Variants in WAC observed in about 807,000 individuals in gnomAD.
WAC encodes the protein WW domain containing adaptor with coiled-coil, also known as WW domain-containing adapter protein with coiled-coil.
In WAC, 11 loss-of-function variants were observed where a neutral mutation model predicts 79.6. The ratio of observed to expected loss-of-function variants is 0.14; its 90% CI spans 0.09 to 0.23. The LOEUF (loss-of-function observed/expected upper bound fraction) is 0.23. WAC is among the 10% of genes least tolerant of loss of function. The pLI is 1.00. For missense variants in WAC, 728 were observed against 773.5 expected, an observed-to-expected ratio of 0.94 and a Z score of 0.70; for synonymous variants, 304 against 276.9, an observed-to-expected ratio of 1.10 and a Z score of -0.97.
chr10:28,611,703 T>A lies in WAC; in HGVS notation c.1289-71T>A, dbSNP rs534537245. The A allele has an allele frequency of 5.8e-6, 9 of 1,552,992 alleles. No individual in the cohort carries two copies. The South Asian group carries it at 1.1e-4, about 19-fold the overall frequency. ...GTAATACAAATATCTTTGCCACATA[T>A]ATTACAAAGGACTTTAGTTTTTTGT... On this transcript the variant is annotated intron_variant, in intron 9 of 13. Coordinates refer to ENST00000354911, the MANE Select transcript of WAC (RefSeq NM_016628.5).
At chr10:28,582,353 G>C (rs966257747) in intron 3 of WAC, among the ~76,000 whole-genome samples, 1 of 151,962 alleles carries the variant, frequency 6.6e-6, no homozygotes, top group Non-Finnish European at 1.5e-5. Context: ...ATTTTCACTT[G>C]GATATCTAAA....
At chr10:28,552,894 G>T in intron 3 of WAC, among the ~76,000 whole-genome samples, 2 of 116,240 alleles carry the variant, frequency 1.7e-5, no homozygotes, top group Admixed American at 1.1e-4. Flanking sequence ...GAACAAGGTT[G>T]AATTTGATAA....
chr10:28,619,788 C>A lies in WAC; in HGVS notation c.*182C>A. On this transcript the variant is annotated 3_prime_UTR_variant, in exon 14 of 14. Coordinates refer to ENST00000354911, the MANE Select transcript of WAC (RefSeq NM_016628.5). The stretch of plus-strand genomic sequence containing the variant: ...AGATACAAGATTGATTTGTAAAACC[C>A]TTGAAATGTAGATTTCTTGTAGATG... The A allele has an allele frequency of 2.0e-6, 1 of 491,116 alleles. No individual in the cohort carries two copies. Among genetic ancestry groups the A allele is most frequent in the Non-Finnish European group, 3.6e-6 (1 of 280,250 alleles). The allele number at this position is 491,116 out of a possible 1,614,324, so 30.4% of individuals were successfully genotyped here.
chr10:28,545,996 G>A (rs1255922784), intron 3 of WAC, among the ~76,000 whole-genome samples: 2 of 152,194 alleles, frequency 1.3e-5, no homozygotes. Flanking sequence ...TACTTAGGCT[G>A]ATCTTAGGTG....
At chr10:28,544,766 T>TA (rs1363834413) in intron 3 of WAC, among the ~76,000 whole-genome samples, 2 of 151,770 alleles carry the variant, frequency 1.3e-5, no homozygotes, top group South Asian at 2.1e-4. Flanking sequence ...ATGTAAGGGT[T>TA]AAAAAAACAG....
intron 3 of WAC, among the ~76,000 whole-genome samples, chr10:28,561,430 A>C (rs1838293427): frequency 6.6e-6 from 1 of 152,214 alleles, no homozygotes; most frequent in African/African-American, 2.4e-5. Flanking sequence ...GGATTTATCC[A>C]AAATGCAGTT....
Position 28,542,524 on chromosome 10 carries a change from C to T in WAC, c.274+6767C>T, listed in dbSNP as rs541275656. Among the ~76,000 whole-genome samples the T allele has an allele frequency of 8.5e-5, 13 of 152,212 alleles. No individual in the cohort carries two copies. In the South Asian group the frequency reaches 1.7e-3, roughly 19 times the overall value. ...GTATAAAATGGTTAAAGAATAACAC[C>T]GCAATAAATGGCACTTTACCTTGAC... On this transcript the variant is annotated intron_variant, in intron 3 of 13. Coordinates refer to ENST00000354911, the MANE Select transcript of WAC (RefSeq NM_016628.5).
At chr10:28,566,897 ATCT>A (rs962239540) in intron 3 of WAC, among the ~76,000 whole-genome samples, 25 of 147,252 alleles carry the variant, frequency 1.7e-4, no homozygotes, top group Admixed American at 9.5e-4. Flanking sequence ...GCAGATTCAG[ATCT>A]TCTTTTATTT....
rs578081138 is a variant in WAC at position 28,541,195 on chromosome 10, C to T, written c.274+5438C>T. ...ACTTGGGGTTTTGGTCTGTAATTCACAGAAAATTTATATATTCTAATTTGT... is the reference window on the plus strand; with the variant it reads ...ACTTGGGGTTTTGGTCTGTAATTCATAGAAAATTTATATATTCTAATTTGT... On this transcript the variant is annotated intron_variant, in intron 3 of 13. Transcript: ENST00000354911. Among the ~76,000 whole-genome samples the T allele has an allele frequency of 2.6e-5, 4 of 152,098 alleles. No homozygotes were observed. In the South Asian group the frequency reaches 8.3e-4, roughly 31 times the overall value.
In WAC at chr10:28,561,350, C is replaced by G. The variant is rs569934371; in HGVS notation, c.275-22049C>G. ...TACCTGTTCTCAGTCATTTTATTCT[C>G]TAACCCTTCTCTTCCCAGAATTGTC... On this transcript the variant is annotated intron_variant, in intron 3 of 13. Transcript: ENST00000354911. Among the ~76,000 whole-genome samples the G allele has an allele frequency of 1.8e-4, 27 of 152,304 alleles. No individual in the cohort carries two copies. In the South Asian group the frequency reaches 5.2e-3, roughly 29 times the overall value.
intron 3 of WAC, among the ~76,000 whole-genome samples, chr10:28,570,809 T>C (rs747472904): frequency 2.0e-5 from 3 of 152,156 alleles, no homozygotes; most frequent in African/African-American, 4.8e-5. Flanking sequence ...GGCTGACTTA[T>C]GAATTAACAC....
At chr10:28,592,951 C>T (rs981269043) in intron 6 of WAC, among the ~76,000 whole-genome samples, 1 of 152,182 alleles carries the variant, frequency 6.6e-6, no homozygotes, top group Admixed American at 6.5e-5. Context: ...GGTATACCTT[C>T]ATTGACAAAT....
chr10:28,571,282 G>GA (rs1453011426), intron 3 of WAC, among the ~76,000 whole-genome samples: 2 of 152,064 alleles, frequency 1.3e-5, no homozygotes, highest in African/African-American at 4.8e-5. Flanking sequence ...GTACTATTCA[G>GA]AAGCATCGAA....
intron 8 of WAC, 98 bp from the exon 9 acceptor site, chr10:28,610,601 A>G (rs1037695310): frequency 7.9e-7 from 1 of 1,269,090 alleles, no homozygotes; most frequent in South Asian, 1.9e-5. Flanking sequence ...AGGTTGAAAT[A>G]TTCCAGTTTC....
chr10:28,533,450 G>C lies in WAC; in HGVS notation c.-130G>C. 9.0e-6 allele frequency: 3 copies of C among 333,554 alleles called. No individual in the cohort carries two copies. Among genetic ancestry groups the C allele is most frequent in the Non-Finnish European group, 1.3e-5 (3 of 231,744 alleles). 20.7% of individuals were successfully genotyped at this position (333,554 alleles called of 1,614,324 possible). On this transcript the variant is annotated 5_prime_UTR_variant, in exon 1 of 14. Coordinates refer to ENST00000354911, the MANE Select transcript of WAC (RefSeq NM_016628.5). ...CGCCAGTAACTGGGAGCTGATGAGAGTCGCCGAGGGCGCGCCGGGCCCAGG... is the reference window on the plus strand; with the variant it reads ...CGCCAGTAACTGGGAGCTGATGAGACTCGCCGAGGGCGCGCCGGGCCCAGG...
At chr10:28,580,006 C>G (rs561215400) in intron 3 of WAC, among the ~76,000 whole-genome samples, 1 of 152,082 alleles carries the variant, frequency 6.6e-6, no homozygotes, top group Non-Finnish European at 1.5e-5. Flanking sequence ...AGAAAAATAT[C>G]TTTATCTTAC....
At chr10:28,617,810 T>C in intron 13 of WAC, 26 bp downstream of exon 13, 1 of 1,559,148 alleles carries the variant, frequency 6.4e-7, no homozygotes, top group Non-Finnish European at 8.6e-7. Flanking sequence ...AAATATATTT[T>C]TATGTTTCTC....
At chr10:28,542,170 A>G (rs913018066) in intron 3 of WAC, among the ~76,000 whole-genome samples, 17 of 152,102 alleles carry the variant, frequency 1.1e-4, no homozygotes, top group African/African-American at 2.9e-4. Flanking sequence ...TACTGTGCTC[A>G]CTCACTTCAG....
intron 3 of WAC, among the ~76,000 whole-genome samples, chr10:28,573,392 T>G (rs1244231091): frequency 2.6e-5 from 4 of 152,220 alleles, no homozygotes; most frequent in Non-Finnish European, 4.4e-5. Context: ...GATTACACAG[T>G]ATGTGGTCTT....
Sources: gnomAD v4.1 joint callset for allele counts (sites outside exome capture counted in the v4.1 genomes callset) on GRCh38, gnomAD v4.1.1 for gene constraint, MANE v1.5 for transcripts, NCBI Gene and HGNC (gene_info 2026-07-23, HGNC 2026-07-21) for gene names.